Variants in EP400 observed in about 807,000 individuals in gnomAD.
The protein encoded by EP400 is E1A binding protein p400, also known as E1A-binding protein p400.
Under a neutral mutation model 354.1 loss-of-function variants are expected in EP400, and 105 were observed. The ratio of observed to expected loss-of-function variants is 0.30; its 90% CI spans 0.25 to 0.35. The LOEUF (loss-of-function observed/expected upper bound fraction) is 0.35, where lower values mean the gene tolerates loss of function less well. EP400 is among the 10% of genes least tolerant of loss of function. EP400 has a pLI of 1.00. For synonymous variants in EP400, 1,646 were observed against 1,716.9 expected (o/e 0.96, Z 1.02); for missense variants, 3,280 against 4,121.0 (o/e 0.80, Z 5.59).
At position 132,052,130 on chromosome 12, in the gene EP400, T is replaced by G. The variant is rs1303926656; in HGVS notation, c.7395-1016T>G. Reference sequence around the variant, plus strand: ...TGCTACCAACTAATGATTAATGATATTCATAGATAATCATATCTAAGATCT... The same window carrying G: ...TGCTACCAACTAATGATTAATGATAGTCATAGATAATCATATCTAAGATCT... On this transcript the variant is annotated intron_variant, in intron 41 of 52. Coordinates refer to ENST00000389561, the MANE Select transcript of EP400 (RefSeq NM_015409.5). This position sits in a 1 kb window ranked among gnomAD's most constrained non-coding sequence, Gnocchi z 4.4. 2.6e-5 allele frequency among the ~76,000 whole-genome samples: 4 copies of G among 152,248 alleles called. No homozygotes were observed. Among genetic ancestry groups the G allele is most frequent in the African/African-American group, 7.2e-5 (3 of 41,466 alleles).
At chr12:132,031,201 C>A (rs757664319) in intron 29 of EP400, 2 of 518,456 alleles carry the variant, frequency 3.9e-6, no homozygotes, top group East Asian at 1.1e-4. Context: ...AGAGGACTAT[C>A]CTTCACGGTT....
chr12:132,043,797 T>TCACATTTACTTC, intron 34 of EP400, 69 bp downstream of exon 34: 4 of 1,333,198 alleles, frequency 3.0e-6, no homozygotes, highest in Non-Finnish European at 4.2e-6. Flanking sequence ...TGATTTGAAG[T>TCACATTTACTTC]AAATGTGACT....
At chr12:132,073,919 GTTTTTTT>G (rs34186152) in intron 51 of EP400, among the ~76,000 whole-genome samples, 2 of 82,124 alleles carry the variant, frequency 2.4e-5, no homozygotes, top group Admixed American at 1.3e-4. Context: ...GTTTTTTGGG[GTTTTTTT>G]TTTTTTTTTT....
At position 131,990,726 on chromosome 12, in the gene EP400, TA is replaced by T. The variant is rs141081862; in HGVS notation, c.2629+19del. On this transcript the variant is annotated intron_variant, in intron 9 of 52. Coordinates refer to ENST00000389561, the MANE Select transcript of EP400 (RefSeq NM_015409.5). This position sits in a 1 kb window ranked among gnomAD's most constrained non-coding sequence, Gnocchi z 4.2. ...AGTTTCCAGGAGAGGTAGGACCCTT[TA>T]AAAAAAGGCTCACCACGCTTGGGTG... 18 of 1,588,760 alleles carry T rather than the reference TA, an allele frequency of 1.1e-5. No homozygotes were observed. Among genetic ancestry groups the T allele is most frequent in the Admixed American group, 3.6e-5 (2 of 55,856 alleles).
intron 7 of EP400, among the ~76,000 whole-genome samples, chr12:131,988,897 A>G (rs939191778): frequency 1.3e-5 from 2 of 152,038 alleles, no homozygotes; most frequent in African/African-American, 4.8e-5. Flanking sequence ...TGCTGTCTTC[A>G]TGTAGGGTAG....
intron 50 of EP400, chr12:132,069,044 A>G (rs1895988436): frequency 6.2e-6 from 1 of 160,774 alleles, no homozygotes. Context: ...TCAGATGTAC[A>G]CAATATGATC....
Position 132,050,193 on chromosome 12 carries a change from C to G in EP400, c.7201-130C>G. The G allele has an allele frequency of 8.5e-7, 1 of 1,177,300 alleles. No individual in the cohort carries two copies. The highest frequency in any genetic ancestry group is 1.2e-6 in the Non-Finnish European group (1 of 839,698). 72.9% of individuals were successfully genotyped at this position (1,177,300 alleles called of 1,614,324 possible). On this transcript the variant is annotated intron_variant, in intron 39 of 52. Transcript: ENST00000389561. The surrounding 1 kb of genome is among the most constrained non-coding windows in gnomAD (Gnocchi z 4.8). Reference sequence around the variant, plus strand: ...TATGCCTGAACTTGGAAAGAAGGCCCAGGAAAAGGAAGTTTGTGTTCAGCC... The same window carrying G: ...TATGCCTGAACTTGGAAAGAAGGCCGAGGAAAAGGAAGTTTGTGTTCAGCC...
Position 132,044,316 on chromosome 12 carries a change from C to A in EP400, c.6585+5C>A. 6.2e-7 allele frequency: 1 copy of A among 1,611,612 alleles called. No individual in the cohort carries two copies. The highest frequency in any genetic ancestry group is 8.5e-7 in the Non-Finnish European group (1 of 1,178,532). ...CGAGAGGATGCCTACAGCATGGTAC[C>A]CGGCCCGGGGCCCTCCTGCCCTCTT... On this transcript the variant is annotated splice_donor_5th_base_variant and intron_variant, in intron 35 of 52. Coordinates refer to ENST00000389561, the MANE Select transcript of EP400 (RefSeq NM_015409.5).
intron 7 of EP400, among the ~76,000 whole-genome samples, chr12:131,988,337 G>A (rs983657807): frequency 2.0e-5 from 3 of 152,228 alleles, no homozygotes; most frequent in Non-Finnish European, 4.4e-5. Flanking sequence ...AAGCAATGAT[G>A]TGGATTTAGC....
Position 132,050,132 on chromosome 12 carries a change from G to A in EP400, c.7201-191G>A, listed in dbSNP as rs192173006. ...TGGACTGGAGAGTGTCACAGCAGTC[G>A]GCCGCGACAGCCACTTAATGCCGCT... is the stretch of plus-strand genomic sequence containing the variant. On this transcript the variant is annotated intron_variant, in intron 39 of 52. Transcript: ENST00000389561. The surrounding 1 kb of genome is among the most constrained non-coding windows in gnomAD (Gnocchi z 4.8). Among the ~76,000 whole-genome samples, 1 of 152,236 alleles carries A rather than the reference G, an allele frequency of 6.6e-6. No individual in the cohort carries two copies. Among genetic ancestry groups the A allele is most frequent in the Admixed American group, 6.5e-5 (1 of 15,282 alleles).
intron 48 of EP400, 172 bp downstream of exon 48, chr12:132,065,058 AACATTAACACAGC>A: frequency 8.2e-7 from 1 of 1,222,632 alleles, no homozygotes; most frequent in Non-Finnish European, 1.1e-6. Context: ...CCACTCGTGG[AACATTAACACAGC>A]AGCAGCTCCC....
chr12:132,053,653 A>G (rs578165389), intron 43 of EP400, 56 bp downstream of exon 43: 2 of 1,440,322 alleles, frequency 1.4e-6, no homozygotes, highest in South Asian at 1.5e-5. Context: ...CCACACCTGC[A>G]CTTGATTCAA....
chr12:132,045,666 G>T, intron 38 of EP400, 61 bp from the exon 39 acceptor site: 2 of 1,604,812 alleles, frequency 1.2e-6, no homozygotes. Context: ...TCTTTGGCAA[G>T]AGGGAAGACC....
chr12:131,976,652 G>A (rs1892484800), intron 2 of EP400, among the ~76,000 whole-genome samples: 2 of 152,184 alleles, frequency 1.3e-5, no homozygotes, highest in Admixed American at 1.3e-4. Flanking sequence ...GGAGGTTGCA[G>A]TGAGGCGAGA....
intron 34 of EP400, 118 bp downstream of exon 34, chr12:132,043,846 A>G (rs574105957): frequency 3.2e-6 from 3 of 945,698 alleles, no homozygotes; most frequent in African/African-American, 1.7e-5. Context: ...ACCCACAAGT[A>G]TGGAAATGAA....
In EP400 at chr12:131,982,111, C is replaced by T. The variant is rs769041213; in HGVS notation, c.1562C>T (p.Pro521Leu). The change falls in exon 5 of 53, where the codon CCG becomes CTG. Residue 521 changes from proline (P) to leucine (L), a missense_variant. Pro to Leu is a moderately conservative substitution (Grantham distance 98, BLOSUM62 -3). Transcript: ENST00000389561. ...TTTGCAGGAGGAATGCCCCCCACGCCGCAGGCCGCGCAGCTCGCTGGACAG... is the reference window on the plus strand; with the variant it reads ...TTTGCAGGAGGAATGCCCCCCACGCTGCAGGCCGCGCAGCTCGCTGGACAG... ...PTAQGGMPPT[P>L]QAAQLAGQRQ... The T allele has an allele frequency of 6.0e-5, 91 of 1,522,792 alleles. No individual in the cohort carries two copies. The highest frequency in any genetic ancestry group is 7.5e-5 in the Non-Finnish European group (85 of 1,136,982). The allele number at this position is 1,522,792 out of a possible 1,614,324, so 94.3% of individuals were successfully genotyped here. A position where few individuals can be genotyped will look rare whatever the true frequency, so the allele number is the denominator to read the frequency against.
intron 6 of EP400, 26 bp downstream of exon 6, chr12:131,986,833 A>C: frequency 3.2e-6 from 5 of 1,573,684 alleles, no homozygotes; most frequent in Non-Finnish European, 4.3e-6. Context: ...AAAGTTGTAA[A>C]ATGTACTCCA....
intron 12 of EP400, among the ~76,000 whole-genome samples, chr12:131,995,163 T>G (rs113361274): frequency 0.017 from 2,589 of 152,334 alleles, 74 homozygotes; most frequent in African/African-American, 0.059. Flanking sequence ...CTGACTGTCT[T>G]TCTTCCCTGC....
chr12:132,066,400 C>T (rs558283809), intron 48 of EP400: 1 of 207,910 alleles, frequency 4.8e-6, no homozygotes, highest in East Asian at 1.6e-4. Flanking sequence ...GAGGGACAGG[C>T]TGATGTCGAG....
Sources: allele counts gnomAD v4.1 joint callset (sites outside exome capture counted in the v4.1 genomes callset), GRCh38; gene constraint gnomAD v4.1.1; non-coding constraint Gnocchi (gnomAD v3.1); transcripts MANE v1.5; gene names NCBI Gene and HGNC (gene_info 2026-07-23, HGNC 2026-07-21).